Variants in TMIGD2 observed in about 807,000 individuals in gnomAD.
The protein encoded by TMIGD2 is transmembrane and immunoglobulin domain containing 2.
TMIGD2 carries 18 observed loss-of-function variants against 22.6 expected under a neutral mutation model. The observed-to-expected ratio is 0.80, with a 90% CI of 0.55 to 1.18. TMIGD2 has a LOEUF of 1.18. TMIGD2 is among the 50% of genes most tolerant of loss of function. TMIGD2 has a pLI of 0.00. For missense variants in TMIGD2, 361 were observed against 378.2 expected, an observed-to-expected ratio of 0.95 and a Z score of 0.38; for synonymous variants, 184 against 154.1, an observed-to-expected ratio of 1.19 and a Z score of -1.44.
At chr19:4,294,620 GCACCCCACA>G in exon 4 of TMIGD2, 4 of 1,609,818 alleles carry the variant, frequency 2.5e-6, no homozygotes, top group Non-Finnish European at 3.4e-6. Flanking sequence ...CCAGAACCAG[GCACCCCACA>G]CGATCGCAGC....
chr19:4,294,642 C>T lies in TMIGD2; in HGVS notation c.487G>A (p.Val163Met), dbSNP rs1396189441. 28 of 1,604,906 alleles carry T rather than the reference C, an allele frequency of 1.7e-5. No homozygotes were observed. The highest frequency in any genetic ancestry group is 2.4e-5 in the Non-Finnish European group (28 of 1,175,516). Residue 163 changes from valine to methionine, a missense_variant, in exon 4 of 5, where the codon GTG becomes ATG. By Grantham distance (21) the Val-to-Met change is conservative. Transcript: ENST00000301272. Reference sequence around the variant, plus strand: ...CAGGCACCCCACACGATCGCAGCCACACCCATGCTTCCCACCCCCAGCAGC... The same window carrying T: ...CAGGCACCCCACACGATCGCAGCCATACCCATGCTTCCCACCCCCAGCAGC...
Position 4,294,825 on chromosome 19 carries a change from A to T in TMIGD2, c.407-9T>A. 6.4e-7 allele frequency: 1 copy of T among 1,560,560 alleles called. No homozygotes were observed. Among genetic ancestry groups the T allele is most frequent in the Non-Finnish European group, 8.7e-7 (1 of 1,154,672 alleles). On this transcript the variant is annotated splice_polypyrimidine_tract_variant and intron_variant, in intron 2 of 4. Coordinates refer to ENST00000301272, the Ensembl canonical transcript of TMIGD2. ...GTTCTGTGTGGGGTCATCTGCAGAG[A>T]AGAAATCTATGTCACGGGGGTGCCA...
chr19:4,294,833 T>A lies in TMIGD2; in HGVS notation c.407-17A>T. 6.5e-7 allele frequency: 1 copy of A among 1,535,860 alleles called. No homozygotes were observed. Among genetic ancestry groups the A allele is most frequent in the Non-Finnish European group, 8.7e-7 (1 of 1,143,168 alleles). ...TGGGGTCATCTGCAGAGAAGAAATC[T>A]ATGTCACGGGGGTGCCAGGCTTCTC... On this transcript the variant is annotated splice_polypyrimidine_tract_variant and intron_variant, in intron 2 of 4. Transcript: ENST00000301272.
chr19:4,294,839 A>T, intron 2 of TMIGD2, 23 bp from the exon 3 acceptor site: 1 of 1,544,470 alleles, frequency 6.5e-7, no homozygotes, highest in East Asian at 2.4e-5. Context: ...AATCTATGTC[A>T]CGGGGGTGCC....
Position 4,292,826 on chromosome 19 carries a change from CCTCA to C in TMIGD2, c.618_621del (p.Ser206ArgfsTer89). On this transcript the variant is annotated frameshift_variant, in exon 5 of 5. Coordinates refer to ENST00000301272, the Ensembl canonical transcript of TMIGD2. LOFTEE classifies it low-confidence loss of function (END_TRUNC). ...TGGTCCTTCCCCTCTCCAGAGCAGT[CCTCA>C]CTCTTCTTTGGGGCCCCCCGGGGCC... 7.4e-6 allele frequency: 12 copies of C among 1,613,804 alleles called. No individual in the cohort carries two copies. Among genetic ancestry groups the C allele is most frequent in the Non-Finnish European group, 1.0e-5 (12 of 1,179,920 alleles).
intron 2 of TMIGD2, among the ~76,000 whole-genome samples, chr19:4,297,074 CTT>C (rs71166981): frequency 2.9e-5 from 3 of 105,230 alleles, no homozygotes; most frequent in South Asian, 3.6e-4. Flanking sequence ...GAGTCTGTGG[CTT>C]TTTTTTTTTT....
At chr19:4,298,422 C>T (rs1568374572) in intron 1 of TMIGD2, 77 bp from the exon 2 acceptor site, 1 of 1,474,286 alleles carries the variant, frequency 6.8e-7, no homozygotes, top group East Asian at 2.4e-5. Flanking sequence ...CCCTAGTGAG[C>T]CCGCAGTCTG....
chr19:4,296,962 G>T (rs553056733), intron 2 of TMIGD2, among the ~76,000 whole-genome samples: 2 of 151,978 alleles, frequency 1.3e-5, no homozygotes, highest in African/African-American at 4.8e-5. Flanking sequence ...CATAACGCTA[G>T]ATATGTCTTG....
At chr19:4,296,953 A>G (rs1172564414) in intron 2 of TMIGD2, among the ~76,000 whole-genome samples, 1 of 152,180 alleles carries the variant, frequency 6.6e-6, no homozygotes, top group African/African-American at 2.4e-5. Context: ...TGCCTGGTGC[A>G]TAACGCTAGA....
At chr19:4,302,091 G>C (rs137971266) in intron 1 of TMIGD2, among the ~76,000 whole-genome samples, 1 of 152,268 alleles carries the variant, frequency 6.6e-6, no homozygotes, top group Non-Finnish European at 1.5e-5. Context: ...CAAAGGCACT[G>C]CGGAGGGTGG....
At chr19:4,302,175 C>T (rs1713951581) in intron 1 of TMIGD2, among the ~76,000 whole-genome samples, 165 bp downstream of exon 1, 1 of 151,832 alleles carries the variant, frequency 6.6e-6, no homozygotes, top group African/African-American at 2.4e-5. Flanking sequence ...TCAGAGGATC[C>T]TTCCTTAATC....
intron 2 of TMIGD2, among the ~76,000 whole-genome samples, chr19:4,297,440 G>C (rs62129298): frequency 0.16 from 24,503 of 152,150 alleles, 2,262 homozygotes; most frequent in South Asian, 0.22. Context: ...TGCACTCATA[G>C]CTCACTGCAG....
chr19:4,300,543 G>A (rs1027181741), intron 1 of TMIGD2, among the ~76,000 whole-genome samples: 5 of 152,308 alleles, frequency 3.3e-5, no homozygotes, highest in Non-Finnish European at 7.3e-5. Flanking sequence ...GCGACAGAGC[G>A]AGACTGTGTC....
At chr19:4,292,790 T>G in exon 5 of TMIGD2, 5 of 1,612,902 alleles carry the variant, frequency 3.1e-6, no homozygotes, top group Non-Finnish European at 4.2e-6. Context: ...GAATAAATGC[T>G]CTGGCCCCTC....
At chr19:4,299,101 C>T (rs1971501503) in intron 1 of TMIGD2, among the ~76,000 whole-genome samples, 1 of 152,090 alleles carries the variant, frequency 6.6e-6, no homozygotes, top group African/African-American at 2.4e-5. Flanking sequence ...GCATCTATTC[C>T]TTGAGAGTAA....
At chr19:4,297,963 C>G (rs1183256153) in intron 2 of TMIGD2, 23 bp downstream of exon 2, 1 of 1,538,622 alleles carries the variant, frequency 6.5e-7, no homozygotes, top group Non-Finnish European at 8.8e-7. Context: ...ACTGCCCCTC[C>G]CTCTCCCCGC....
rs1189657904 is a variant in TMIGD2, at chr19:4,294,834, A to G, written c.407-18T>C. The G allele has an allele frequency of 6.5e-7, 1 of 1,548,096 alleles. No homozygotes were observed. Among genetic ancestry groups the G allele is most frequent in the Non-Finnish European group, 8.7e-7 (1 of 1,149,106 alleles). On this transcript the variant is annotated intron_variant, in intron 2 of 4. Coordinates refer to ENST00000301272, the Ensembl canonical transcript of TMIGD2. ...GGGGTCATCTGCAGAGAAGAAATCT[A>G]TGTCACGGGGGTGCCAGGCTTCTCC...
chr19:4,294,623 C>T (rs761989575), exon 4 of TMIGD2: 1 of 1,609,732 alleles, frequency 6.2e-7, no homozygotes. Context: ...GAACCAGGCA[C>T]CCCACACGAT....
At chr19:4,301,146 T>C (rs1004980565) in intron 1 of TMIGD2, among the ~76,000 whole-genome samples, 2 of 152,132 alleles carry the variant, frequency 1.3e-5, no homozygotes, top group African/African-American at 4.8e-5. Flanking sequence ...CTAATTTTTG[T>C]ATTTTTGGTA....
Sources: allele counts gnomAD v4.1 joint callset (sites outside exome capture counted in the v4.1 genomes callset), GRCh38; gene constraint gnomAD v4.1.1; transcripts MANE v1.5; gene names NCBI Gene and HGNC (gene_info 2026-07-23, HGNC 2026-07-21).